KAZN: variants seen among roughly 807,000 people sequenced by gnomAD.
The protein encoded by KAZN is kazrin, periplakin interacting protein.
KAZN carries 40 observed loss-of-function variants against 87.4 expected under a neutral mutation model. The ratio of observed to expected loss-of-function variants is 0.46; its 90% CI spans 0.36 to 0.60. The LOEUF (loss-of-function observed/expected upper bound fraction) is 0.60, where lower values mean the gene tolerates loss of function less well. KAZN is among the 20% of genes least tolerant of loss of function. The pLI is 0.00. For missense variants in KAZN, 898 were observed against 1,073.9 expected (o/e 0.84, Z 2.29); for synonymous variants, 466 against 458.3 (o/e 1.02, Z -0.22).
At chr1:14,125,214 T>TGGA (rs1034046160) in intron 1 of KAZN, among the ~76,000 whole-genome samples, 1 of 152,148 alleles carries the variant, frequency 6.6e-6, no homozygotes, top group African/African-American at 2.4e-5. Flanking sequence ...CTCTACCCAC[T>TGGA]GGATGTCAGA....
chr1:14,563,658 A>G (rs1674378699), intron 2 of KAZN, among the ~76,000 whole-genome samples: 1 of 149,240 alleles, frequency 6.7e-6, no homozygotes, highest in East Asian at 2.0e-4. Context: ...CTTACCCTCA[A>G]CTCTCATCAG....
chr1:14,871,559 A>C (rs1306239507), intron 1 of KAZN, among the ~76,000 whole-genome samples: 1 of 151,842 alleles, frequency 6.6e-6, no homozygotes, highest in Non-Finnish European at 1.5e-5. Context: ...AGGCGTAAGG[A>C]AGATGCTTTC....
Position 15,116,829 on chromosome 1 carries a change from C to G in KAZN, c.*2194C>G, listed in dbSNP as rs1037683535. 6.6e-6 allele frequency: 1 copy of G among 152,260 alleles called. No homozygotes were observed. Among genetic ancestry groups the G allele is most frequent in the African/African-American group, 2.4e-5 (1 of 41,470 alleles). The allele number at this position is 152,260 out of a possible 1,614,324, so 9.4% of individuals were successfully genotyped here. ...AGAAATGGCACTTACATGGTTCGATCTTGCTGGAGACAAGTGGACAATTGG... is the reference window on the plus strand; with the variant it reads ...AGAAATGGCACTTACATGGTTCGATGTTGCTGGAGACAAGTGGACAATTGG... On this transcript the variant is annotated 3_prime_UTR_variant, in exon 15 of 15. Coordinates refer to ENST00000376030, the MANE Select transcript of KAZN (RefSeq NM_201628.3).
At chr1:15,076,009 G>A (rs994962138) in intron 8 of KAZN, among the ~76,000 whole-genome samples, 5 of 152,298 alleles carry the variant, frequency 3.3e-5, no homozygotes, top group Admixed American at 6.5e-5. Context: ...AATTGGATCC[G>A]TGCTATACTA....
intron 1 of KAZN, among the ~76,000 whole-genome samples, chr1:14,922,857 C>G (rs1005272326): frequency 6.6e-6 from 1 of 151,090 alleles, no homozygotes; most frequent in Non-Finnish European, 1.5e-5. Flanking sequence ...GCCTCCGCAG[C>G]TGGGCCAGTT....
chr1:14,828,876 C>T (rs1481652894), intron 1 of KAZN, among the ~76,000 whole-genome samples: 1 of 152,182 alleles, frequency 6.6e-6, no homozygotes, highest in East Asian at 1.9e-4. Flanking sequence ...ATTCCCATTT[C>T]AGGCAGGAAG....
At chr1:14,522,684 T>C (rs936074087) in intron 2 of KAZN, among the ~76,000 whole-genome samples, 3 of 152,190 alleles carry the variant, frequency 2.0e-5, no homozygotes, top group Non-Finnish European at 4.4e-5. Context: ...AGCAACACAA[T>C]AGATAATGCA....
At chr1:14,855,919 G>A (rs12096242) in intron 1 of KAZN, among the ~76,000 whole-genome samples, 13 of 152,176 alleles carry the variant, frequency 8.5e-5, no homozygotes, top group African/African-American at 1.7e-4. Flanking sequence ...CAGAGGGAGC[G>A]GCTGCTTACA....
At chr1:14,857,882 C>A (rs1472725071) in intron 1 of KAZN, among the ~76,000 whole-genome samples, 1 of 152,068 alleles carries the variant, frequency 6.6e-6, no homozygotes, top group African/African-American at 2.4e-5. Flanking sequence ...ACAATTCACA[C>A]TCACTTCTTA....
At chr1:14,388,699 CAAG>C (rs993897045) in intron 2 of KAZN, among the ~76,000 whole-genome samples, 5 of 152,048 alleles carry the variant, frequency 3.3e-5, no homozygotes, top group Non-Finnish European at 7.4e-5. Context: ...AAAATCAAAT[CAAG>C]AAGAATTACA....
chr1:14,032,500 C>A (rs577570332), intron 1 of KAZN, among the ~76,000 whole-genome samples: 93 of 152,304 alleles, frequency 6.1e-4, no homozygotes, highest in African/African-American at 2.0e-3. Context: ...AATCCACCAA[C>A]CTCTGTCTGT....
At chr1:14,544,408 G>A (rs1485431015) in intron 2 of KAZN, among the ~76,000 whole-genome samples, 1 of 135,758 alleles carries the variant, frequency 7.4e-6, no homozygotes, top group Non-Finnish European at 1.5e-5. Flanking sequence ...TGAAAAAGTG[G>A]GCTCCTTTAA....
intron 2 of KAZN, among the ~76,000 whole-genome samples, chr1:14,452,616 G>C (rs1281502442): frequency 6.6e-6 from 1 of 152,072 alleles, no homozygotes; most frequent in Non-Finnish European, 1.5e-5. Flanking sequence ...AGGCACTGTG[G>C]AATTGGCATA....
chr1:14,177,555 GT>G (rs1646106273), intron 1 of KAZN, among the ~76,000 whole-genome samples: 1 of 152,166 alleles, frequency 6.6e-6, no homozygotes, highest in African/African-American at 2.4e-5. Flanking sequence ...CGGTTGGCAA[GT>G]TTTTTGCTTT....
chr1:14,109,676 C>T (rs534031155), intron 1 of KAZN, among the ~76,000 whole-genome samples: 7 of 152,244 alleles, frequency 4.6e-5, no homozygotes, highest in African/African-American at 1.4e-4. Flanking sequence ...CCCATTTGCA[C>T]GGCCCAGCGT....
Position 13,972,302 on chromosome 1 carries a change from C to G in KAZN, c.91+78546C>G, listed in dbSNP as rs1377957786. Among the ~76,000 whole-genome samples the G allele has an allele frequency of 2.2e-5, 3 of 136,822 alleles. No individual in the cohort carries two copies. In the Admixed American group the frequency reaches 2.3e-4, roughly 10 times the overall value. 89.8% of individuals were successfully genotyped at this position (136,822 alleles called of 152,430 possible). A position where few individuals can be genotyped will look rare whatever the true frequency, so the allele number is the denominator to read the frequency against. On this transcript the variant is annotated intron_variant, in intron 1 of 16. Coordinates refer to the KAZN transcript ENST00000636203. ...TTTTTTTTTTTTTTTGAGACACAGTCTTGCTTTTTCACCCAGGCCGGAGTG... is the reference window on the plus strand; with the variant it reads ...TTTTTTTTTTTTTTTGAGACACAGTGTTGCTTTTTCACCCAGGCCGGAGTG...
At chr1:15,045,885 C>T (rs1457974565) in intron 4 of KAZN, among the ~76,000 whole-genome samples, 1 of 152,214 alleles carries the variant, frequency 6.6e-6, no homozygotes, top group Non-Finnish European at 1.5e-5. Flanking sequence ...CACTTACCTC[C>T]ACCTGGTCCT....
At chr1:14,243,402 AGAGCAGAGT>A (rs1649160364) in intron 2 of KAZN, among the ~76,000 whole-genome samples, 1 of 152,324 alleles carries the variant, frequency 6.6e-6, no homozygotes, top group African/African-American at 2.4e-5. Context: ...GGAGGGAAGA[AGAGCAGAGT>A]GATCTATTGT....
At position 14,384,690 on chromosome 1, in the gene KAZN, T is replaced by G. The variant is rs1214425815; in HGVS notation, c.249+204098T>G. Among the ~76,000 whole-genome samples, 11 of 152,000 alleles carry G rather than the reference T, an allele frequency of 7.2e-5. No individual in the cohort carries two copies. The South Asian group carries it at 2.1e-3, about 29-fold the overall frequency. On this transcript the variant is annotated intron_variant, in intron 2 of 16. Transcript: ENST00000636203. The stretch of plus-strand genomic sequence containing the variant: ...CCCACTTGATCATGGTGGATAAGCT[T>G]TTTGATGTGCTGCTGGATTCGGTTT...
Sources: gnomAD v4.1 joint callset for allele counts (sites outside exome capture counted in the v4.1 genomes callset) on GRCh38, gnomAD v4.1.1 for gene constraint, MANE v1.5 for transcripts, NCBI Gene and HGNC (gene_info 2026-07-23, HGNC 2026-07-21) for gene names.